The following ESPN variants were observed in gnomAD, a reference collection of about 807,000 sequenced individuals.
The protein encoded by ESPN is autosomal recessive deafness type 36 protein.
ESPN carries 68 observed loss-of-function variants against 77.7 expected under a neutral mutation model. That is an observed-to-expected ratio of 0.87 (90% confidence interval 0.72 to 1.07). The LOEUF is 1.07. ESPN is among the 50% of genes least tolerant of loss of function. The probability of loss-of-function intolerance (pLI) is 0.00; values close to 1 mark genes in which losing one functional copy is unlikely to be tolerated. For missense variants in ESPN, 1,060 were observed against 1,239.0 expected (o/e 0.86, Z 2.17); for synonymous variants, 449 against 567.1 (o/e 0.79, Z 2.96).
chr1:6,424,901 C>T lies in ESPN; in HGVS notation c.-55C>T. 1.4e-6 allele frequency: 2 copies of T among 1,395,314 alleles called. No homozygotes were observed. The highest frequency in any genetic ancestry group is 1.9e-6 in the Non-Finnish European group (2 of 1,074,770). 86.4% of individuals were successfully genotyped at this position (1,395,314 alleles called of 1,614,324 possible). On this transcript the variant is annotated 5_prime_UTR_variant, in exon 1 of 13. Transcript: ENST00000645284. ...CTCCTCTGGCCCGCAAGAACACGTG[C>T]ATGGCGTCCTGGGGAAGGCGCTGAG...
intron 2 of ESPN, among the ~76,000 whole-genome samples, chr1:6,434,501 A>C (rs1284717968): frequency 2.6e-5 from 4 of 152,160 alleles, no homozygotes; most frequent in Non-Finnish European, 4.4e-5. Context: ...CTCTGCCTAT[A>C]GCTCATTGCA....
chr1:6,460,495 C>T lies in ESPN; in HGVS notation c.*349C>T, dbSNP rs1350738945. 4.8e-6 allele frequency: 1 copy of T among 209,894 alleles called. No individual in the cohort carries two copies. Among genetic ancestry groups the T allele is most frequent in the Non-Finnish European group, 9.7e-6 (1 of 103,458 alleles). The allele number at this position is 209,894 out of a possible 1,614,324, so 13.0% of individuals were successfully genotyped here. A position where few individuals can be genotyped will look rare whatever the true frequency, so the allele number is the denominator to read the frequency against. ...GGTGACTTTGTTTTCCTGCGGGGCTCAGCCCCCTCCAGGATGCAGCCCCCT... is the reference window on the plus strand; with the variant it reads ...GGTGACTTTGTTTTCCTGCGGGGCTTAGCCCCCTCCAGGATGCAGCCCCCT... On this transcript the variant is annotated 3_prime_UTR_variant, in exon 13 of 13. Transcript: ENST00000645284.
At chr1:6,432,073 G>A (rs1186061663) in intron 2 of ESPN, among the ~76,000 whole-genome samples, 4 of 152,172 alleles carry the variant, frequency 2.6e-5, no homozygotes, top group Admixed American at 1.3e-4. Context: ...CAAGTCCACC[G>A]GAGACTTCCC....
chr1:6,425,286 C>T, intron 1 of ESPN, 37 bp downstream of exon 1: 3 of 1,558,722 alleles, frequency 1.9e-6, no homozygotes, highest in Non-Finnish European at 2.6e-6. Flanking sequence ...ACTGAGGCTT[C>T]CTCCTCAGGA....
chr1:6,447,353 G>A lies in ESPN; in HGVS notation c.1465-1288G>A, dbSNP rs1569700736. The A allele has an allele frequency of 6.6e-6, 1 of 152,244 alleles. No individual in the cohort carries two copies. The highest frequency in any genetic ancestry group is 2.4e-5 in the African/African-American group (1 of 41,526). 9.4% of individuals were successfully genotyped at this position (152,244 alleles called of 1,614,324 possible). On this transcript the variant is annotated intron_variant, in intron 7 of 12. Coordinates refer to ENST00000645284, the MANE Select transcript of ESPN (RefSeq NM_031475.3). The surrounding 1 kb of genome is among the most constrained non-coding windows in gnomAD (Gnocchi z 5.2). ...CGCGCGGGTGCCTGACCGGGGGCGG[G>A]AGCAGGGTCGTGGCGTCCGAACCTC...
intron 2 of ESPN, among the ~76,000 whole-genome samples, chr1:6,430,334 G>A (rs1643195621): frequency 6.6e-6 from 1 of 152,240 alleles, no homozygotes. Flanking sequence ...CTGCCAGGGA[G>A]GCTGTGGGTG....
chr1:6,451,806 G>T lies in ESPN; in HGVS notation c.2062-27G>T. 2 of 1,610,012 alleles carry T rather than the reference G, an allele frequency of 1.2e-6. No homozygotes were observed. Among genetic ancestry groups the T allele is most frequent in the Non-Finnish European group, 8.5e-7 (1 of 1,178,922 alleles). On this transcript the variant is annotated intron_variant, in intron 9 of 12. Transcript: ENST00000645284. The surrounding 1 kb of genome is among the most constrained non-coding windows in gnomAD (Gnocchi z 4.3). ...CTTCCCTGGCCCTAGGCCACCGGGC[G>T]CTCAGCCCCACCGCTTCTCCCTGCA...
At position 6,460,003 on chromosome 1, in the gene ESPN, G is replaced by A; in HGVS notation, c.2422G>A (p.Glu808Lys). The A allele has an allele frequency of 3.1e-6, 5 of 1,613,616 alleles. No individual in the cohort carries two copies. The highest frequency in any genetic ancestry group is 4.2e-6 in the Non-Finnish European group (5 of 1,180,016). Residue 808 changes from glutamate (E) to lysine (K), a missense_variant, in exon 13 of 13, where the codon GAG becomes AAG. By Grantham distance (56) the Glu-to-Lys change is moderately conservative. Coordinates refer to ENST00000645284, the MANE Select transcript of ESPN (RefSeq NM_031475.3). ...LEEEREQKRK[E>K]EERQKQEELR... ...CCCCCCTCCCCACTGCCTCAGGAAA[G>A]AGGAGGAGCGACAGAAGCAGGAGGA...
At chr1:6,459,218 G>C (rs1021364357) in intron 12 of ESPN, among the ~76,000 whole-genome samples, 16 of 151,358 alleles carry the variant, frequency 1.1e-4, no homozygotes, top group Admixed American at 2.6e-4. Flanking sequence ...TCCAGCCTGG[G>C]TGACAGAGCG....
At chr1:6,455,002 CCG>C (rs1644024766) in intron 10 of ESPN, 1 of 376,630 alleles carries the variant, frequency 2.7e-6, no homozygotes, top group Non-Finnish European at 4.7e-6. Context: ...GGCGCGGCGC[CCG>C]CGCGCTGTCC....
intron 2 of ESPN, among the ~76,000 whole-genome samples, chr1:6,433,333 A>G (rs1248896553): frequency 1.3e-5 from 2 of 151,746 alleles, no homozygotes; most frequent in Non-Finnish European, 1.5e-5. Flanking sequence ...AATCCCAGCT[A>G]CTTAGGAGGC....
intron 10 of ESPN, among the ~76,000 whole-genome samples, chr1:6,452,904 A>ATTTTT (rs141387813): frequency 8.6e-5 from 13 of 150,870 alleles, no homozygotes; most frequent in African/African-American, 2.0e-4. Flanking sequence ...TTTATTTTTT[A>ATTTTT]TTTTTTGAGA....
In ESPN at chr1:6,448,844, C is replaced by G. The variant is rs774987977; in HGVS notation, c.1668C>G (p.Leu556=). Residue 556 remains leucine, a synonymous_variant, in exon 8 of 13, where the codon CTC becomes CTG. Coordinates refer to ENST00000645284, the MANE Select transcript of ESPN (RefSeq NM_031475.3). ...CCGCGCGCGCCGGCTGCCCGCGCCT[C>G]GGCCCTGCCGCCCGCGGCTCACTCG... The part of the protein sequence containing the change: ...RQPARAGCPR[L]GPAARGSLEG... 14 of 1,242,160 alleles carry G rather than the reference C, an allele frequency of 1.1e-5. No individual in the cohort carries two copies. The East Asian group carries it at 4.7e-4, about 42-fold the overall frequency. The allele number at this position is 1,242,160 out of a possible 1,614,324, so 76.9% of individuals were successfully genotyped here. A position where few individuals can be genotyped will look rare whatever the true frequency, so the allele number is the denominator to read the frequency against.
At chr1:6,455,990 C>T (rs1271238202) in intron 10 of ESPN, 6 of 398,534 alleles carry the variant, frequency 1.5e-5, no homozygotes, top group Non-Finnish European at 2.7e-5. Context: ...AGCCCGAGGC[C>T]CTGGCCCCTG....
chr1:6,448,131 C>T (rs1643882426), intron 7 of ESPN: 2 of 152,550 alleles, frequency 1.3e-5, no homozygotes, highest in African/African-American at 2.4e-5. Context: ...GGAGCAGCCC[C>T]CGGACGGGCA....
chr1:6,446,734 G>T (rs1643853954), intron 7 of ESPN, among the ~76,000 whole-genome samples: 1 of 152,198 alleles, frequency 6.6e-6, no homozygotes, highest in Admixed American at 6.5e-5. Flanking sequence ...TAAGAGGTGA[G>T]GGGACAGCCT....
intron 5 of ESPN, 64 bp from the exon 6 acceptor site, chr1:6,444,417 T>C (rs1643750522): frequency 4.5e-6 from 7 of 1,548,782 alleles, no homozygotes; most frequent in Non-Finnish European, 6.2e-6. Flanking sequence ...AGTAGGACCC[T>C]GGCCTGGAGA....
rs1010500231 is a variant in ESPN at position 6,427,167 on chromosome 1, G to A, written c.295-1059G>A. Among the ~76,000 whole-genome samples, 4 of 152,018 alleles carry A rather than the reference G, an allele frequency of 2.6e-5. No individual in the cohort carries two copies. The East Asian group carries it at 5.8e-4, about 22-fold the overall frequency. ...ACAGTGCCCTCTCTCTGGGCAAGGC[G>A]GGGCAGAGAGGCTTTACTCCCTGAT... On this transcript the variant is annotated intron_variant, in intron 1 of 12. Transcript: ENST00000645284. This position sits in a 1 kb window ranked among gnomAD's most constrained non-coding sequence, Gnocchi z 4.6.
At position 6,460,390 on chromosome 1, in the gene ESPN, C is replaced by G. The variant is rs1242909989; in HGVS notation, c.*244C>G. 1.8e-6 allele frequency: 1 copy of G among 551,490 alleles called. No individual in the cohort carries two copies. The highest frequency in any genetic ancestry group is 3.2e-5 in the Admixed American group (1 of 30,908). 34.2% of individuals were successfully genotyped at this position (551,490 alleles called of 1,614,324 possible). A position where few individuals can be genotyped will look rare whatever the true frequency, so the allele number is the denominator to read the frequency against. On this transcript the variant is annotated 3_prime_UTR_variant, in exon 13 of 13. Coordinates refer to ENST00000645284, the MANE Select transcript of ESPN (RefSeq NM_031475.3). ...CTGACGCAAACAACAACAAATGCTGCTTATTTGCATGCCGACTTACATATA... is the reference window on the plus strand; with the variant it reads ...CTGACGCAAACAACAACAAATGCTGGTTATTTGCATGCCGACTTACATATA...
Sources: gnomAD v4.1 joint callset for allele counts (sites outside exome capture counted in the v4.1 genomes callset) on GRCh38, gnomAD v4.1.1 for gene constraint, Gnocchi (gnomAD v3.1) non-coding constraint, MANE v1.5 for transcripts, NCBI Gene and HGNC (gene_info 2026-07-23, HGNC 2026-07-21) for gene names.